The following PRKCE variants were observed in gnomAD, a reference collection of about 807,000 sequenced individuals.
PRKCE encodes the protein protein kinase C epsilon.
In PRKCE, 16 loss-of-function variants were observed where a neutral mutation model predicts 85.4. The ratio of observed to expected loss-of-function variants is 0.19; its 90% CI spans 0.13 to 0.28. PRKCE has a LOEUF of 0.28. PRKCE is among the 10% of genes least tolerant of loss of function. The pLI is 1.00. For missense variants in PRKCE, 573 were observed against 975.2 expected (o/e 0.59, Z 5.49); for synonymous variants, 388 against 371.5 (o/e 1.04, Z -0.51).
rs76092955 is a variant in PRKCE at position 45,964,434 on chromosome 2, G to T, written c.413-11995G>T. The stretch of plus-strand genomic sequence containing the variant: ...AACAGGGATTCTGGTCCCACCCTTG[G>T]CTGGTGCCCCACTTGGCAGATTTCC... On this transcript the variant is annotated intron_variant, in intron 2 of 14. Coordinates refer to ENST00000306156, the MANE Select transcript of PRKCE (RefSeq NM_005400.3). Among the ~76,000 whole-genome samples the T allele has an allele frequency of 1.1e-4, 17 of 152,318 alleles. No homozygotes were observed. In the East Asian group the frequency reaches 2.7e-3, roughly 24 times the overall value.
chr2:45,799,832 C>T lies in PRKCE; in HGVS notation c.349-43168C>T, dbSNP rs538355580. On this transcript the variant is annotated intron_variant, in intron 1 of 14. Transcript: ENST00000306156. ...CAGAAGTAGTTACCAGAATCAGGAC[C>T]CAGTCTAGGGTCAGGGTTTTCCAGC... 9.9e-5 allele frequency among the ~76,000 whole-genome samples: 15 copies of T among 152,246 alleles called. No homozygotes were observed. The South Asian group carries it at 2.9e-3, about 29-fold the overall frequency.
At chr2:45,847,901 C>G (rs1691927235) in intron 2 of PRKCE, among the ~76,000 whole-genome samples, 2 of 152,182 alleles carry the variant, frequency 1.3e-5, no homozygotes, top group African/African-American at 2.4e-5. Context: ...GGTCCGAGCT[C>G]AAGGTTGGAT....
chr2:45,854,742 A>G (rs1208344414), intron 2 of PRKCE, among the ~76,000 whole-genome samples: 2 of 152,170 alleles, frequency 1.3e-5, no homozygotes, highest in African/African-American at 2.4e-5. Context: ...GCCAGACCCA[A>G]TTATTCTTGG....
chr2:45,763,410 G>A (rs936796806), intron 1 of PRKCE, among the ~76,000 whole-genome samples: 1 of 152,132 alleles, frequency 6.6e-6, no homozygotes, highest in South Asian at 2.1e-4. Context: ...ATGCTAAAGG[G>A]CAGGGGCTGA....
chr2:45,839,670 C>T (rs1416530430), intron 1 of PRKCE, among the ~76,000 whole-genome samples: 3 of 152,154 alleles, frequency 2.0e-5, no homozygotes, highest in Admixed American at 6.5e-5. Flanking sequence ...ACCATGTAAT[C>T]GTGAGCAGAA....
At chr2:46,081,553 G>C (rs1254578061) in intron 10 of PRKCE, among the ~76,000 whole-genome samples, 1 of 152,166 alleles carries the variant, frequency 6.6e-6, no homozygotes, top group Non-Finnish European at 1.5e-5. Flanking sequence ...CACGTCACAG[G>C]GGGATCTGAC....
chr2:46,026,486 C>T (rs1707120172), intron 10 of PRKCE, among the ~76,000 whole-genome samples: 1 of 152,164 alleles, frequency 6.6e-6, no homozygotes, highest in Admixed American at 6.5e-5. Context: ...GGTTTGAATG[C>T]ATTTCTCTGA....
intron 2 of PRKCE, among the ~76,000 whole-genome samples, 194 bp from the exon 3 acceptor site, chr2:45,976,235 A>G (rs962315537): frequency 6.6e-6 from 1 of 152,082 alleles, no homozygotes; most frequent in Non-Finnish European, 1.5e-5. Context: ...GGGCCTTTCC[A>G]CCCTACATGT....
chr2:46,122,361 G>C (rs1170750261), intron 11 of PRKCE, among the ~76,000 whole-genome samples: 3 of 152,150 alleles, frequency 2.0e-5, no homozygotes, highest in Non-Finnish European at 4.4e-5. Flanking sequence ...CTCCTGAGAA[G>C]CTGGGATTAC....
At chr2:46,026,040 GC>G (rs1260865894) in intron 10 of PRKCE, among the ~76,000 whole-genome samples, 3 of 152,178 alleles carry the variant, frequency 2.0e-5, no homozygotes, top group Non-Finnish European at 4.4e-5. Flanking sequence ...TGATTCTTGT[GC>G]ATCCATATCC....
intron 2 of PRKCE, among the ~76,000 whole-genome samples, chr2:45,960,377 A>T (rs181192136): frequency 6.6e-6 from 1 of 152,302 alleles, no homozygotes; most frequent in East Asian, 1.9e-4. Context: ...CACCTGCTAT[A>T]CCATAAATCA....
rs1453688380 is a variant in PRKCE, at chr2:46,155,821, C to T, written c.1921-3785C>T. Among the ~76,000 whole-genome samples, 5 of 152,066 alleles carry T rather than the reference C, an allele frequency of 3.3e-5. No individual in the cohort carries two copies. Among genetic ancestry groups the T allele is most frequent in the African/African-American group, 9.7e-5 (4 of 41,388 alleles). On this transcript the variant is annotated intron_variant, in intron 13 of 14. Coordinates refer to ENST00000306156, the MANE Select transcript of PRKCE (RefSeq NM_005400.3). The surrounding 1 kb of genome is among the most constrained non-coding windows in gnomAD (Gnocchi z 4.7). ...TTCTCCCCACTATCCCCATTGGAGC[C>T]ACCACCGCCTCTCCCTTGGTGAACT...
At chr2:46,003,716 G>A (rs113186782) in intron 7 of PRKCE, among the ~76,000 whole-genome samples, 77 of 152,280 alleles carry the variant, frequency 5.1e-4, no homozygotes, top group African/African-American at 1.8e-3. Flanking sequence ...AGGTGGAGGG[G>A]GACGTTATGG....
intron 2 of PRKCE, among the ~76,000 whole-genome samples, chr2:45,880,232 G>A (rs4953283): frequency 0.31 from 47,280 of 152,140 alleles, 8,310 homozygotes; most frequent in East Asian, 0.56. Flanking sequence ...GTTCCGTTAT[G>A]TGTATGCACC....
intron 11 of PRKCE, among the ~76,000 whole-genome samples, chr2:46,087,814 C>G (rs1669787417): frequency 6.6e-6 from 1 of 152,198 alleles, no homozygotes; most frequent in African/African-American, 2.4e-5. Flanking sequence ...GCTCATCTTT[C>G]AAGCTCATGT....
At chr2:46,017,996 A>T (rs528132236) in intron 10 of PRKCE, among the ~76,000 whole-genome samples, 1 of 152,064 alleles carries the variant, frequency 6.6e-6, no homozygotes, top group African/African-American at 2.4e-5. Context: ...CTCTTCCCCA[A>T]TTCCTGTCAC....
At position 45,976,603 on chromosome 2, in the gene PRKCE, T is replaced by G; in HGVS notation, c.572+15T>G. On this transcript the variant is annotated intron_variant, in intron 3 of 14. Coordinates refer to ENST00000306156, the MANE Select transcript of PRKCE (RefSeq NM_005400.3). Reference sequence around the variant, plus strand: ...GACTTCATCTGGTAAGCCTTTCTCTTGGGAACCTCTAATTACAACATCTCT... The same window carrying G: ...GACTTCATCTGGTAAGCCTTTCTCTGGGGAACCTCTAATTACAACATCTCT... 1 of 1,598,384 alleles carries G rather than the reference T, an allele frequency of 6.3e-7. No individual in the cohort carries two copies. Among genetic ancestry groups the G allele is most frequent in the Non-Finnish European group, 8.5e-7 (1 of 1,178,946 alleles).
intron 1 of PRKCE, among the ~76,000 whole-genome samples, chr2:45,816,034 G>T (rs373033293): frequency 1.3e-5 from 2 of 152,166 alleles, no homozygotes; most frequent in Non-Finnish European, 2.9e-5. Context: ...GTACATTTGG[G>T]GCTCTCATTT....
At chr2:45,705,710 A>C (rs642200) in intron 1 of PRKCE, among the ~76,000 whole-genome samples, 41,914 of 152,104 alleles carry the variant, frequency 0.28, 5,983 homozygotes, top group African/African-American at 0.31. Flanking sequence ...AATATCCCTG[A>C]GTGTCCTTTG....
Sources: allele counts gnomAD v4.1 joint callset (sites outside exome capture counted in the v4.1 genomes callset), GRCh38; gene constraint gnomAD v4.1.1; non-coding constraint Gnocchi (gnomAD v3.1); transcripts MANE v1.5; gene names NCBI Gene and HGNC (gene_info 2026-07-23, HGNC 2026-07-21).